The following RSF1 variants were observed in gnomAD, a reference collection of about 807,000 sequenced individuals.
RSF1 encodes the protein HBV pX-associated protein 8.
A neutral mutation model predicts 145.2 loss-of-function variants in RSF1; 13 were observed. That is an observed-to-expected ratio of 0.09 (90% CI 0.06 to 0.14). The LOEUF is 0.14. Among genes scored for constraint, RSF1 ranks in the 10% least tolerant of loss-of-function variants. The pLI is 1.00. For missense variants in RSF1, 1,517 were observed against 1,718.2 expected (o/e 0.88, Z 2.07); for synonymous variants, 577 against 592.6 (o/e 0.97, Z 0.38).
At chr11:77,723,444 C>CAG (rs369446946) in intron 5 of RSF1, among the ~76,000 whole-genome samples, 35 of 152,226 alleles carry the variant, frequency 2.3e-4, no homozygotes, top group Middle Eastern at 3.4e-3. Flanking sequence ...GCCTGGGCGA[C>CAG]AGAGAGAGAT....
chr11:77,830,966 C>T, the RSF1 span, among the ~76,000 whole-genome samples: 1 of 139,272 alleles, frequency 7.2e-6, no homozygotes, highest in Non-Finnish European at 1.5e-5. Flanking sequence ...CATGGCGAGA[C>T]CCTGTCTCTA....
chr11:77,862,260 A>C, the RSF1 span, among the ~76,000 whole-genome samples: 7 of 152,308 alleles, frequency 4.6e-5, no homozygotes, highest in South Asian at 1.0e-3. Context: ...GAGATCGCCA[A>C]ACTCTCGGGC....
At chr11:77,726,123 T>C (rs1315915099) in intron 4 of RSF1, among the ~76,000 whole-genome samples, 1 of 152,242 alleles carries the variant, frequency 6.6e-6, no homozygotes, top group African/African-American at 2.4e-5. Flanking sequence ...TCAGAGATAA[T>C]AGCATTTGAC....
At chr11:77,827,167 GA>G in the RSF1 span, among the ~76,000 whole-genome samples, 3 of 151,392 alleles carry the variant, frequency 2.0e-5, no homozygotes, top group African/African-American at 4.8e-5. Flanking sequence ...CCTCAGAAAA[GA>G]AAAAAAGCTC....
rs1464972185 is a variant in RSF1, at chr11:77,820,536, T to C, written c.179A>G (p.Asn60Ser). ...VLQAPPPDVG[N>S]GEVPKELVEL... ...TCGGGCCCCTCGCTTACCTTCTCCG[T>C]TGCCGACGTCCGGCGGCGGCGCCTG... The change falls in exon 1 of 16, where the codon AAC (asparagine) becomes AGC (serine). Residue 60 changes from asparagine (N) to serine (S), a missense_variant. Physicochemically the swap from Asn to Ser is conservative, Grantham distance 46. This residue lies in a region of RSF1 where 85 missense variants were observed against 91.8 expected (regional missense o/e 0.93). Coordinates refer to ENST00000308488, the MANE Select transcript of RSF1 (RefSeq NM_016578.4). 1 of 1,548,024 alleles carries C rather than the reference T, an allele frequency of 6.5e-7. No individual in the cohort carries two copies. The highest frequency in any genetic ancestry group is 2.0e-5 in the Admixed American group (1 of 50,984).
At chr11:77,841,732 GC>G in the RSF1 span, among the ~76,000 whole-genome samples, 1 of 152,094 alleles carries the variant, frequency 6.6e-6, no homozygotes, top group South Asian at 2.1e-4. Flanking sequence ...AGCTTATAAA[GC>G]CCCCTGTGGC....
the RSF1 span, chr11:77,872,187 ACTGTGGAGTAC>A: frequency 1.2e-6 from 2 of 1,613,012 alleles, no homozygotes; most frequent in South Asian, 2.2e-5. Flanking sequence ...GCCTTCATCA[ACTGTGGAGTAC>A]CTCAAGAAAC....
rs543555659 is a variant in RSF1, at chr11:77,795,562, T to C, written c.187+24966A>G. 1.3e-4 allele frequency among the ~76,000 whole-genome samples: 20 copies of C among 152,094 alleles called. No individual in the cohort carries two copies. In the East Asian group the frequency reaches 3.5e-3, roughly 26 times the overall value. ...ACAGAATAGAGAACTCAGAAATAAA[T>C]ATATTTACCAGCCAACTGATCTTAG... On this transcript the variant is annotated intron_variant, in intron 1 of 15. Transcript: ENST00000308488.
chr11:77,808,527 CTTTT>C (rs745630976), intron 1 of RSF1, among the ~76,000 whole-genome samples: 3 of 59,996 alleles, frequency 5.0e-5, no homozygotes, highest in Admixed American at 3.2e-4. Flanking sequence ...AATATTATAC[CTTTT>C]TTTTTTTTTT....
At chr11:77,870,539 G>A in the RSF1 span, among the ~76,000 whole-genome samples, 11 of 151,332 alleles carry the variant, frequency 7.3e-5, no homozygotes, top group Admixed American at 4.6e-4. Flanking sequence ...GGGTTTCACC[G>A]TGTTAGCCAG....
At chr11:77,817,493 C>A (rs1203478905) in intron 1 of RSF1, among the ~76,000 whole-genome samples, 1 of 152,198 alleles carries the variant, frequency 6.6e-6, no homozygotes, top group Non-Finnish European at 1.5e-5. Flanking sequence ...TGGCAACCAG[C>A]AAATTTCGGC....
chr11:77,832,063 A>G, the RSF1 span: 2 of 151,712 alleles, frequency 1.3e-5, no homozygotes, highest in African/African-American at 4.8e-5. Context: ...GTTGACAAAC[A>G]TCTTGTGACT....
Position 77,664,391 on chromosome 11 carries a change from T to A in RSF1, c.*2526A>T, listed in dbSNP as rs1312500151. ...TAAATATCAGGCAGCACAGCACAAG[T>A]GGTCTCCAAACCTAAATGGAATACT... is the stretch of plus-strand genomic sequence containing the variant. On this transcript the variant is annotated 3_prime_UTR_variant, in exon 16 of 16. Coordinates refer to ENST00000308488, the MANE Select transcript of RSF1 (RefSeq NM_016578.4). 1 of 152,226 alleles carries A rather than the reference T, an allele frequency of 6.6e-6. No homozygotes were observed. Among genetic ancestry groups the A allele is most frequent in the East Asian group, 1.9e-4 (1 of 5,200 alleles). The allele number at this position is 152,226 out of a possible 1,614,324, so 9.4% of individuals were successfully genotyped here. A position where few individuals can be genotyped will look rare whatever the true frequency, so the allele number is the denominator to read the frequency against.
At chr11:77,817,976 A>G (rs1948797915) in intron 1 of RSF1, among the ~76,000 whole-genome samples, 1 of 152,240 alleles carries the variant, frequency 6.6e-6, no homozygotes, top group Admixed American at 6.5e-5. Context: ...TTCCCTGCAC[A>G]GTAACAGCAT....
intron 1 of RSF1, among the ~76,000 whole-genome samples, chr11:77,768,885 T>C (rs1230705417): frequency 3.3e-5 from 5 of 152,128 alleles, no homozygotes; most frequent in African/African-American, 1.2e-4. Flanking sequence ...AAATGTTCTA[T>C]ATCTACACTT....
intron 2 of RSF1, among the ~76,000 whole-genome samples, chr11:77,758,077 A>T (rs1948133428): frequency 6.6e-6 from 1 of 151,418 alleles, no homozygotes; most frequent in Admixed American, 6.6e-5. Context: ...CCAAGGCTGC[A>T]GTGAGCTGTG....
the RSF1 span, among the ~76,000 whole-genome samples, chr11:77,858,630 C>T: frequency 1.3e-5 from 2 of 152,104 alleles, no homozygotes; most frequent in African/African-American, 4.8e-5. Flanking sequence ...CTCAGTCCCC[C>T]CTCTCAACAG....
At chr11:77,852,757 A>T in the RSF1 span, among the ~76,000 whole-genome samples, 150 of 151,944 alleles carry the variant, frequency 9.9e-4, 1 homozygote, top group Non-Finnish European at 1.5e-3. Flanking sequence ...TATATAAATA[A>T]TTTTTTTTCT....
chr11:77,789,229 G>C (rs1167040977), intron 1 of RSF1, among the ~76,000 whole-genome samples: 1 of 152,122 alleles, frequency 6.6e-6, no homozygotes, highest in Non-Finnish European at 1.5e-5. Flanking sequence ...CACGGGAGAG[G>C]GCCTCAACTC....
Sources: allele counts gnomAD v4.1 joint callset (sites outside exome capture counted in the v4.1 genomes callset), GRCh38; gene constraint gnomAD v4.1.1; regional missense constraint gnomAD v4.1.1; transcripts MANE v1.5; gene names NCBI Gene and HGNC (gene_info 2026-07-23, HGNC 2026-07-21).